MADD: variants seen among roughly 807,000 people sequenced by gnomAD.
MADD encodes the protein MAP kinase-activating death domain protein.
Under a neutral mutation model 176.7 loss-of-function variants are expected in MADD, and 109 were observed. The ratio of observed to expected loss-of-function variants is 0.62; its 90% CI spans 0.53 to 0.72. The LOEUF (loss-of-function observed/expected upper bound fraction) is 0.72. Among genes scored for constraint, MADD ranks in the 30% least tolerant of loss-of-function variants. MADD has a pLI of 0.00. For missense variants in MADD, 1,914 were observed against 2,045.5 expected (o/e 0.94, Z 1.24); for synonymous variants, 771 against 771.3 (o/e 1.00, Z 0.01).
intron 10 of MADD, among the ~76,000 whole-genome samples, chr11:47,283,492 C>T (rs2058517988): frequency 6.6e-6 from 1 of 152,064 alleles, no homozygotes; most frequent in Non-Finnish European, 1.5e-5. Context: ...AGTTCTCCCT[C>T]CCAGGTTCAA....
chr11:47,289,009 GGCCCCGGGA>G, intron 15 of MADD: 1 of 1,594,102 alleles, frequency 6.3e-7, no homozygotes, highest in South Asian at 1.2e-5. Flanking sequence ...TACTGAAGCC[GGCCCCGGGA>G]GTGGTGAAGG....
chr11:47,302,880 G>T (rs749096247), intron 22 of MADD, among the ~76,000 whole-genome samples: 1 of 152,082 alleles, frequency 6.6e-6, no homozygotes, highest in Non-Finnish European at 1.5e-5. Flanking sequence ...TAGAGATAAG[G>T]TTTGATTCTT....
chr11:47,312,594 C>T (rs977750595), intron 26 of MADD, among the ~76,000 whole-genome samples: 1 of 152,160 alleles, frequency 6.6e-6, no homozygotes, highest in Non-Finnish European at 1.5e-5. Context: ...CACCACCACG[C>T]CCAGCTAATT....
intron 31 of MADD, 142 bp from the exon 36 acceptor site, chr11:47,328,516 A>G (rs2095706197): frequency 2.6e-6 from 4 of 1,515,426 alleles, no homozygotes; most frequent in South Asian, 1.3e-5. Context: ...CTGCCCTGTC[A>G]TAGCCTAAGC....
At position 47,325,015 on chromosome 11, in the gene MADD, G is replaced by C. The variant is rs942908475; in HGVS notation, c.4542+438G>C. 7.7e-6 allele frequency: 4 copies of C among 520,590 alleles called. No individual in the cohort carries two copies. The highest frequency in any genetic ancestry group is 1.4e-5 in the Non-Finnish European group (4 of 289,694). The allele number at this position is 520,590 out of a possible 1,614,324, so 32.2% of individuals were successfully genotyped here. On this transcript the variant is annotated intron_variant, in intron 30 of 32. Transcript: ENST00000402192. The surrounding 1 kb of genome is among the most constrained non-coding windows in gnomAD (Gnocchi z 4.5). The stretch of plus-strand genomic sequence containing the variant: ...GTGCAGCTTGCGTGTGCGTGCGTGC[G>C]TGCCTGCGTGCTTGTGTGTAAGTAG...
At chr11:47,323,519 T>A in intron 27 of MADD, 152 bp from the exon 31 acceptor site, 3 of 669,206 alleles carry the variant, frequency 4.5e-6, no homozygotes, top group Non-Finnish European at 7.6e-6. Flanking sequence ...TGTCAGTAGT[T>A]CTGTTTTGTG....
In MADD at chr11:47,289,028, G is replaced by T. The variant is rs770283757; in HGVS notation, c.2654-363G>T. 1 of 1,593,368 alleles carries T rather than the reference G, an allele frequency of 6.3e-7. No homozygotes were observed. The highest frequency in any genetic ancestry group is 1.9e-5 in the Admixed American group (1 of 52,980). ...GAAGCCGGCCCCGGGAGTGGTGAAGGTGGGTCTTGCCTGTGAGCTGTGCAT... is the reference window on the plus strand; with the variant it reads ...GAAGCCGGCCCCGGGAGTGGTGAAGTTGGGTCTTGCCTGTGAGCTGTGCAT... On this transcript the variant is annotated intron_variant, in intron 15 of 32. Transcript: ENST00000402192.
chr11:47,302,877 A>T (rs1442397308), intron 22 of MADD, among the ~76,000 whole-genome samples: 1 of 152,140 alleles, frequency 6.6e-6, no homozygotes, highest in Non-Finnish European at 1.5e-5. Flanking sequence ...CTGTAGAGAT[A>T]AGGTTTGATT....
chr11:47,319,619 G>GA (rs1245355558), intron 27 of MADD, among the ~76,000 whole-genome samples: 3 of 152,124 alleles, frequency 2.0e-5, no homozygotes, highest in East Asian at 3.9e-4. Context: ...TCAGATTATT[G>GA]AAAATGCATA....
chr11:47,324,148 A>G (rs2095051188), intron 28 of MADD, 117 bp from the exon 32 acceptor site: 2 of 819,648 alleles, frequency 2.4e-6, no homozygotes, highest in Admixed American at 2.2e-5. Flanking sequence ...AAATAGGAGG[A>G]CTACTTAAAA....
exon 12 of MADD, chr11:47,284,417 A>G (rs1377601545): frequency 6.2e-7 from 1 of 1,614,142 alleles, no homozygotes; most frequent in Non-Finnish European, 8.5e-7. Context: ...GATGCCAGCG[A>G]GGTGGAGATT....
At chr11:47,320,694 G>C (rs2094307791) in intron 27 of MADD, among the ~76,000 whole-genome samples, 1 of 151,378 alleles carries the variant, frequency 6.6e-6, no homozygotes, top group Admixed American at 6.6e-5. Flanking sequence ...GGCTGAGGTG[G>C]GAGGTTCGCT....
chr11:47,308,894 T>C, intron 23 of MADD, 86 bp from the exon 26 acceptor site: 1 of 1,328,514 alleles, frequency 7.5e-7, no homozygotes, highest in Admixed American at 1.7e-5. Context: ...AGATTGGGTT[T>C]TGGTGTTAAT....
exon 16 of MADD, chr11:47,289,482 C>T: frequency 6.2e-7 from 1 of 1,614,056 alleles, no homozygotes; most frequent in Non-Finnish European, 8.5e-7. Context: ...AGGGTCGATC[C>T]AGCAATTCTA....
chr11:47,272,251 A>G (rs889141439), intron 1 of MADD: 85 of 152,184 alleles, frequency 5.6e-4, no homozygotes, highest in African/African-American at 1.8e-3. Flanking sequence ...CGCTATAGAG[A>G]TAAAACTGAA....
chr11:47,299,020 A>G (rs984501256), intron 22 of MADD, among the ~76,000 whole-genome samples: 2 of 152,254 alleles, frequency 1.3e-5, no homozygotes, highest in East Asian at 1.9e-4. Flanking sequence ...TGGGTTCTCT[A>G]TTCTGTTCCA....
intron 22 of MADD, among the ~76,000 whole-genome samples, chr11:47,307,692 G>A (rs1297172862): frequency 1.3e-5 from 2 of 148,704 alleles, no homozygotes; most frequent in African/African-American, 5.0e-5. Context: ...CACCCAAGTT[G>A]GAGTCTCACT....
At chr11:47,283,124 C>T (rs915521366) in intron 10 of MADD, among the ~76,000 whole-genome samples, 155 bp downstream of exon 10, 7 of 152,200 alleles carry the variant, frequency 4.6e-5, no homozygotes, top group African/African-American at 1.4e-4. Context: ...GACGGAGTCT[C>T]GCTCTGTCAC....
At chr11:47,287,720 G>C (rs2061717445) in intron 15 of MADD, among the ~76,000 whole-genome samples, 2 of 146,232 alleles carry the variant, frequency 1.4e-5, no homozygotes, top group African/African-American at 2.5e-5. Context: ...TGATTTTTTT[G>C]TTTTCTCTGG....
Sources: allele counts gnomAD v4.1 joint callset (sites outside exome capture counted in the v4.1 genomes callset), GRCh38; gene constraint gnomAD v4.1.1; non-coding constraint Gnocchi (gnomAD v3.1); transcripts MANE v1.5; gene names NCBI Gene and HGNC (gene_info 2026-07-23, HGNC 2026-07-21).